The following MDGA2 variants were observed in gnomAD, a reference collection of about 807,000 sequenced individuals.
The protein encoded by MDGA2 is MAM domain containing glycosylphosphatidylinositol anchor 2, also known as MAM domain-containing glycosylphosphatidylinositol anchor protein 2.
Under a neutral mutation model 117.8 loss-of-function variants are expected in MDGA2, and 40 were observed. That is an observed-to-expected ratio of 0.34 (90% CI 0.26 to 0.44). MDGA2 has a LOEUF of 0.44. Ranked by LOEUF, MDGA2 falls within the 20% of genes least tolerant of loss-of-function variation. MDGA2 has a pLI of 1.00. For synonymous variants in MDGA2, 452 were observed against 439.0 expected, an observed-to-expected ratio of 1.03 and a Z score of -0.37; for missense variants, 1,123 against 1,250.6, an observed-to-expected ratio of 0.90 and a Z score of 1.54.
At chr14:47,487,311 T>A (rs1436559443) in intron 1 of MDGA2, among the ~76,000 whole-genome samples, 2 of 152,216 alleles carry the variant, frequency 1.3e-5, no homozygotes, top group East Asian at 3.8e-4. Flanking sequence ...TCCATCTGGA[T>A]CTGATTTAAA....
intron 1 of MDGA2, among the ~76,000 whole-genome samples, chr14:47,354,600 T>C (rs1890952512): frequency 6.6e-6 from 1 of 152,232 alleles, no homozygotes; most frequent in African/African-American, 2.4e-5. Context: ...ACCAGCCTCA[T>C]GAAAGGCTCT....
chr14:46,959,251 ATGTGTGTGTGTGTG>A (rs3985119), intron 8 of MDGA2, among the ~76,000 whole-genome samples: 5,129 of 140,212 alleles, frequency 0.037, 141 homozygotes, highest in East Asian at 0.083. Flanking sequence ...AATGCTATAT[ATGTGTGTGTGTGTG>A]TGTGTGTGTG....
rs10131109 is a variant in MDGA2, at chr14:47,159,498, C to A, written c.596-15224G>T. Among the ~76,000 whole-genome samples, 513 of 152,252 alleles carry A rather than the reference C, an allele frequency of 3.4e-3. 6 individuals carry two copies. Among genetic ancestry groups the A allele is most frequent in the African/African-American group, 0.012 (489 of 41,544 alleles). On this transcript the variant is annotated intron_variant, in intron 3 of 16. Coordinates refer to ENST00000399232, the MANE Select transcript of MDGA2 (RefSeq NM_001113498.3). Reference sequence around the variant, plus strand: ...AACTCCCATTAATTGTCCTTAAATTCTTGTAAGGAACCTGGTTTGTAACTA... The same window carrying A: ...AACTCCCATTAATTGTCCTTAAATTATTGTAAGGAACCTGGTTTGTAACTA...
intron 1 of MDGA2, among the ~76,000 whole-genome samples, chr14:47,604,075 A>G (rs1896695954): frequency 6.6e-6 from 1 of 152,124 alleles, no homozygotes; most frequent in Admixed American, 6.5e-5. Context: ...TTATTTCTTT[A>G]TAAATTACCT....
chr14:47,499,005 AT>A lies in MDGA2; in HGVS notation c.280+175511del, dbSNP rs146347142. On this transcript the variant is annotated intron_variant, in intron 1 of 16. Coordinates refer to ENST00000399232, the MANE Select transcript of MDGA2 (RefSeq NM_001113498.3). ...TATTTTAATACTTAGCTATTCTGGC[AT>A]TTTTTTTATTCTACAATATTTATTT... is the stretch of plus-strand genomic sequence containing the variant. Among the ~76,000 whole-genome samples the A allele has an allele frequency of 6.7e-4, 101 of 151,860 alleles. 1 individual carries two copies. Among genetic ancestry groups the A allele is most frequent in the Middle Eastern group, 3.4e-3 (1 of 294 alleles).
chr14:47,511,741 T>C (rs1310863852), intron 1 of MDGA2, among the ~76,000 whole-genome samples: 1 of 152,182 alleles, frequency 6.6e-6, no homozygotes, highest in African/African-American at 2.4e-5. Flanking sequence ...TGAAGACAGA[T>C]ACACAGACAA....
At chr14:47,034,851 T>C (rs945658617) in intron 8 of MDGA2, among the ~76,000 whole-genome samples, 160 bp downstream of exon 8, 10 of 152,114 alleles carry the variant, frequency 6.6e-5, no homozygotes, top group African/African-American at 2.4e-4. Context: ...TTGTGTATCA[T>C]TAATGTAGAA....
intron 1 of MDGA2, among the ~76,000 whole-genome samples, chr14:47,377,725 T>A (rs919473834): frequency 1.3e-5 from 2 of 152,152 alleles, no homozygotes; most frequent in Non-Finnish European, 2.9e-5. Context: ...AAGCTCCAAC[T>A]GGGTGGAGCC....
intron 1 of MDGA2, among the ~76,000 whole-genome samples, chr14:47,375,212 AC>A (rs1050835340): frequency 6.6e-6 from 1 of 151,566 alleles, no homozygotes; most frequent in Non-Finnish European, 1.5e-5. Context: ...AAAAAAAAAA[AC>A]ATTTAGTAAC....
chr14:46,870,623 C>T (rs1236174487), intron 14 of MDGA2, among the ~76,000 whole-genome samples: 1 of 151,858 alleles, frequency 6.6e-6, no homozygotes, highest in Admixed American at 6.6e-5. Flanking sequence ...AGACCTGATA[C>T]CCAGCCTGCA....
chr14:46,911,159 A>T (rs796266682), intron 10 of MDGA2, among the ~76,000 whole-genome samples: 22 of 152,356 alleles, frequency 1.4e-4, no homozygotes, highest in African/African-American at 5.3e-4. Context: ...AAAGTTAAAT[A>T]AAAAAGATAA....
chr14:47,427,388 C>G (rs544846685), intron 1 of MDGA2, among the ~76,000 whole-genome samples: 1 of 152,244 alleles, frequency 6.6e-6, no homozygotes, highest in Non-Finnish European at 1.5e-5. Flanking sequence ...TGGCTATGAT[C>G]TTCAAATGCC....
chr14:47,100,511 A>G lies in MDGA2; in HGVS notation c.926-3388T>C, dbSNP rs185915777. 3.2e-4 allele frequency among the ~76,000 whole-genome samples: 49 copies of G among 152,240 alleles called. No homozygotes were observed. The East Asian group carries it at 9.1e-3, about 28-fold the overall frequency. On this transcript the variant is annotated intron_variant, in intron 5 of 16. Coordinates refer to ENST00000399232, the MANE Select transcript of MDGA2 (RefSeq NM_001113498.3). ...CATAAATTCCCTTATTACCATGAAA[A>G]AAGTTCACTGTTCTAAAAAACAATT... is the stretch of plus-strand genomic sequence containing the variant.
intron 1 of MDGA2, among the ~76,000 whole-genome samples, chr14:47,474,399 A>G (rs899637403): frequency 1.3e-5 from 2 of 152,164 alleles, no homozygotes; most frequent in Non-Finnish European, 2.9e-5. Flanking sequence ...GAAAATGGCC[A>G]TATTTCCCAA....
At chr14:47,570,873 A>C (rs1896006202) in intron 1 of MDGA2, among the ~76,000 whole-genome samples, 1 of 152,208 alleles carries the variant, frequency 6.6e-6, no homozygotes, top group African/African-American at 2.4e-5. Context: ...AAAATACAAA[A>C]GCAATGGGAA....
At chr14:47,414,837 G>T (rs1364784814) in intron 1 of MDGA2, among the ~76,000 whole-genome samples, 1 of 151,832 alleles carries the variant, frequency 6.6e-6, no homozygotes, top group African/African-American at 2.4e-5. Context: ...GATATTTAAA[G>T]AAAGACAAAA....
At chr14:47,362,926 T>C (rs1891154552) in intron 1 of MDGA2, among the ~76,000 whole-genome samples, 1 of 152,154 alleles carries the variant, frequency 6.6e-6, no homozygotes, top group South Asian at 2.1e-4. Flanking sequence ...TGCTTGATAG[T>C]TTTTGTTTTG....
intron 3 of MDGA2, among the ~76,000 whole-genome samples, chr14:47,176,754 G>A (rs1401434503): frequency 6.6e-6 from 1 of 152,176 alleles, no homozygotes; most frequent in Non-Finnish European, 1.5e-5. Context: ...AAGACTTCAT[G>A]TCTAAAACAC....
intron 10 of MDGA2, among the ~76,000 whole-genome samples, chr14:46,915,556 G>A (rs1009987599): frequency 1.3e-5 from 2 of 152,094 alleles, no homozygotes; most frequent in South Asian, 2.1e-4. Context: ...TTTTAGTGTT[G>A]TAATTATCAT....
Sources: gnomAD v4.1 joint callset for allele counts (sites outside exome capture counted in the v4.1 genomes callset) on GRCh38, gnomAD v4.1.1 for gene constraint, MANE v1.5 for transcripts, NCBI Gene and HGNC (gene_info 2026-07-23, HGNC 2026-07-21) for gene names.